KIF13A: variants seen among roughly 807,000 people sequenced by gnomAD.
The protein encoded by KIF13A is kinesin family member 13A, also known as kinesin-like protein KIF13A.
Under a neutral mutation model 212.2 loss-of-function variants are expected in KIF13A, and 79 were observed. The observed-to-expected ratio is 0.37, with a 90% CI of 0.31 to 0.45. The LOEUF is 0.45. Among genes scored for constraint, KIF13A ranks in the 20% least tolerant of loss-of-function variants. The pLI is 1.00. For synonymous variants in KIF13A, 789 were observed against 808.6 expected (o/e 0.98, Z 0.41); for missense variants, 1,901 against 2,209.0 (o/e 0.86, Z 2.79).
chr6:17,799,366 TCC>T lies in KIF13A; in HGVS notation c.2688_2689del (p.Trp896Ter). On this transcript the variant is annotated stop_gained and frameshift_variant, in exon 22 of 39. Coordinates refer to ENST00000259711, the MANE Select transcript of KIF13A (RefSeq NM_022113.6). LOFTEE classifies it high-confidence loss of function. This position sits in a 1 kb window ranked among gnomAD's most constrained non-coding sequence, Gnocchi z 4.4. The stretch of plus-strand genomic sequence containing the variant: ...GGCAGCCACCGTAGACTCACACTGG[TCC>T]CAGAATGTGTATTGACAGAAGACAA... The T allele has an allele frequency of 6.2e-7, 1 of 1,612,062 alleles. No homozygotes were observed. Among genetic ancestry groups the T allele is most frequent in the Non-Finnish European group, 8.5e-7 (1 of 1,178,950 alleles).
rs1156733624 is a variant in KIF13A, at chr6:17,787,789, G to A, written c.3348C>T (p.Val1116=). Reference sequence around the variant, plus strand: ...GATCTCACATACCTGTTTTATTGCTGACTTTTTTTATCTGTTCATCCAGGT... The same window carrying A: ...GATCTCACATACCTGTTTTATTGCTAACTTTTTTTATCTGTTCATCCAGGT... ...REYLDEQIKK[V]SNKTEKTEDD... is the part of the protein sequence containing the mutation. The change falls in exon 27 of 39, where the codon GTC becomes GTT. Residue 1116 remains valine, a synonymous_variant. Coordinates refer to ENST00000259711, the MANE Select transcript of KIF13A (RefSeq NM_022113.6). The surrounding 1 kb of genome is among the most constrained non-coding windows in gnomAD (Gnocchi z 4.6). The A allele has an allele frequency of 6.2e-7, 1 of 1,607,086 alleles. No homozygotes were observed. Among genetic ancestry groups the A allele is most frequent in the Admixed American group, 1.7e-5 (1 of 60,000 alleles).
At chr6:17,760,785 C>A, downstream of KIF13A, 2 of 1,481,124 alleles carry the variant, frequency 1.4e-6, no homozygotes, top group Non-Finnish European at 1.9e-6. Flanking sequence ...AGAGATGGGG[C>A]TGGTGCTTGC....
Position 17,952,840 on chromosome 6 carries a change from G to T in KIF13A, c.146+34214C>A, listed in dbSNP as rs138030502. On this transcript the variant is annotated intron_variant, in intron 2 of 38. Coordinates refer to ENST00000259711, the MANE Select transcript of KIF13A (RefSeq NM_022113.6). Reference sequence around the variant, plus strand: ...AGCTACTCAGGAGGCTGAGGCAGGAGAGTGGCGCGAACCCGGGAGGCAGAG... The same window carrying T: ...AGCTACTCAGGAGGCTGAGGCAGGATAGTGGCGCGAACCCGGGAGGCAGAG... Among the ~76,000 whole-genome samples the T allele has an allele frequency of 5.7e-3, 863 of 151,958 alleles. 6 individuals are homozygous for T. The highest frequency in any genetic ancestry group is 0.02 in the African/African-American group (812 of 41,404).
intron 16 of KIF13A, among the ~76,000 whole-genome samples, chr6:17,819,557 A>G (rs1764252907): frequency 6.6e-6 from 1 of 152,078 alleles, no homozygotes; most frequent in Non-Finnish European, 1.5e-5. Flanking sequence ...GTGAGACTCC[A>G]TCTCAAAAAA....
At chr6:17,876,473 T>C (rs1770565969) in intron 3 of KIF13A, among the ~76,000 whole-genome samples, 1 of 152,192 alleles carries the variant, frequency 6.6e-6, no homozygotes, top group Non-Finnish European at 1.5e-5. Flanking sequence ...TCGATACATT[T>C]TTCCTCCCAG....
In KIF13A at chr6:17,771,145, A is replaced by G; in HGVS notation, c.4550T>C (p.Val1517Ala). 1 of 1,613,084 alleles carries G rather than the reference A, an allele frequency of 6.2e-7. No homozygotes were observed. The highest frequency in any genetic ancestry group is 8.5e-7 in the Non-Finnish European group (1 of 1,179,414). The part of the protein sequence containing the change: ...PSGSNGSSMP[V>A]EHNSKREKKI... ...CTTCTCACGTTTGCTATTGTGTTCT[A>G]CTGGCATGCTGCTGCCATTGCTTCC... Residue 1517 changes from valine (V) to alanine (A), a missense_variant, in exon 38 of 39, where the codon GTA (valine) becomes GCA (alanine). By Grantham distance (64) the Val-to-Ala change is moderately conservative. Around this residue, in one of 5 missense-constraint regions of KIF13A, gnomAD observed 687 missense variants for 759.1 expected, o/e 0.90. Coordinates refer to ENST00000259711, the MANE Select transcript of KIF13A (RefSeq NM_022113.6). This position sits in a 1 kb window ranked among gnomAD's most constrained non-coding sequence, Gnocchi z 5.4.
intron 3 of KIF13A, among the ~76,000 whole-genome samples, chr6:17,893,900 C>T (rs538445144): frequency 5.8e-4 from 81 of 139,794 alleles, no homozygotes; most frequent in African/African-American, 2.1e-3. Context: ...AGTGCAGTGG[C>T]GCAATCTCGG....
At chr6:17,827,814 G>A (rs1405641456) in intron 14 of KIF13A, among the ~76,000 whole-genome samples, 2 of 152,040 alleles carry the variant, frequency 1.3e-5, no homozygotes, top group Admixed American at 6.6e-5. Context: ...GAGCCACCCC[G>A]CCTAGCCAAT....
intron 2 of KIF13A, among the ~76,000 whole-genome samples, chr6:17,952,793 G>A (rs1207787147): frequency 6.6e-6 from 1 of 152,024 alleles, no homozygotes; most frequent in African/African-American, 2.4e-5. Flanking sequence ...AGCCAGGTGT[G>A]GTGGTGGGCG....
intron 2 of KIF13A, among the ~76,000 whole-genome samples, chr6:17,911,812 T>C (rs1308089473): frequency 1.3e-5 from 2 of 151,096 alleles, no homozygotes; most frequent in African/African-American, 4.9e-5. Context: ...TAGCCCAAGC[T>C]GGAGTACAGT....
rs541052606 is a variant in KIF13A at position 17,771,854 on chromosome 6, C to A, written c.4476+54G>T. ...CTTGTTAATGCACACTGCTGCTTCACAGGTGACACAACTCTGCTCTATTCT... is the reference window on the plus strand; with the variant it reads ...CTTGTTAATGCACACTGCTGCTTCAAAGGTGACACAACTCTGCTCTATTCT... On this transcript the variant is annotated intron_variant, in intron 37 of 38. Transcript: ENST00000259711. This position sits in a 1 kb window ranked among gnomAD's most constrained non-coding sequence, Gnocchi z 5.4. The A allele has an allele frequency of 6.4e-7, 1 of 1,567,336 alleles. No homozygotes were observed. The highest frequency in any genetic ancestry group is 8.8e-7 in the Non-Finnish European group (1 of 1,142,068).
Position 17,930,559 on chromosome 6 carries a change from A to T in KIF13A, c.147-32379T>A, listed in dbSNP as rs184052281. ...AAAGTTGCCTGACCTCAGAGTTCAT[A>T]CAAAGGCTGAGTGGTACTGCCAAAT... On this transcript the variant is annotated intron_variant, in intron 2 of 38. Transcript: ENST00000259711. 1.1e-4 allele frequency among the ~76,000 whole-genome samples: 16 copies of T among 152,358 alleles called. 1 individual carries two copies. In the South Asian group the frequency reaches 2.1e-3, roughly 20 times the overall value.
intron 2 of KIF13A, among the ~76,000 whole-genome samples, chr6:17,939,247 A>G (rs1347835398): frequency 6.6e-6 from 1 of 152,244 alleles, no homozygotes; most frequent in African/African-American, 2.4e-5. Context: ...TACATAAGAC[A>G]TTCTGGTGCA....
chr6:17,976,578 C>T (rs901415773), intron 2 of KIF13A, among the ~76,000 whole-genome samples: 5 of 152,186 alleles, frequency 3.3e-5, no homozygotes, highest in African/African-American at 1.2e-4. Flanking sequence ...CCCTCCACAC[C>T]TCCCTGCAAG....
At chr6:17,932,149 G>A (rs1292458000) in intron 2 of KIF13A, among the ~76,000 whole-genome samples, 4 of 152,104 alleles carry the variant, frequency 2.6e-5, no homozygotes, top group African/African-American at 9.7e-5. Context: ...ACCGACACAT[G>A]CTAGACACAC....
chr6:17,814,098 G>A lies in KIF13A; in HGVS notation c.2000+2922C>T, dbSNP rs562600182. On this transcript the variant is annotated intron_variant, in intron 17 of 38. Coordinates refer to ENST00000259711, the MANE Select transcript of KIF13A (RefSeq NM_022113.6). Reference sequence around the variant, plus strand: ...CCCCCGAGTAGCTGGGACTACAGGCGCCCGCCACCACGCCCGGCTAATTTT... The same window carrying A: ...CCCCCGAGTAGCTGGGACTACAGGCACCCGCCACCACGCCCGGCTAATTTT... Among the ~76,000 whole-genome samples, 34 of 151,564 alleles carry A rather than the reference G, an allele frequency of 2.2e-4. No homozygotes were observed. The South Asian group carries it at 6.5e-3, about 29-fold the overall frequency.
Position 17,817,151 on chromosome 6 carries a change from C to G in KIF13A, c.1869G>C (p.Met623Ile). Reference protein sequence around the residue: ...KRSALEEQRLMYERELEQLRQ... With the variant: ...KRSALEEQRLIYERELEQLRQ... The stretch of plus-strand genomic sequence containing the variant: ...GGAGTTGCTCCAGTTCCCGCTCATA[C>G]ATGAGCCGCTGCTCCTCTAGGGCAC... Residue 623 changes from methionine (M) to isoleucine (I), a missense_variant, in exon 17 of 39, where the codon ATG becomes ATC. By Grantham distance (10) the Met-to-Ile change is conservative. Around this residue, in one of 5 missense-constraint regions of KIF13A, gnomAD observed 534 missense variants for 536.9 expected, o/e 0.99. Coordinates refer to ENST00000259711, the MANE Select transcript of KIF13A (RefSeq NM_022113.6). 6.2e-7 allele frequency: 1 copy of G among 1,613,982 alleles called. No individual in the cohort carries two copies. The highest frequency in any genetic ancestry group is 8.5e-7 in the Non-Finnish European group (1 of 1,179,826).
rs1280876970 is a variant in KIF13A at position 17,968,792 on chromosome 6, C to A, written c.146+18262G>T. ...GCCATTACCCCCAAAAGCCACATGA[C>A]AGCACAAAGGCTATCATTATGTAAC... On this transcript the variant is annotated intron_variant, in intron 2 of 38. Coordinates refer to ENST00000259711, the MANE Select transcript of KIF13A (RefSeq NM_022113.6). The surrounding 1 kb of genome is among the most constrained non-coding windows in gnomAD (Gnocchi z 4.7). Among the ~76,000 whole-genome samples the A allele has an allele frequency of 1.3e-5, 2 of 152,154 alleles. No homozygotes were observed. Among genetic ancestry groups the A allele is most frequent in the Admixed American group, 6.5e-5 (1 of 15,278 alleles).
rs1758716874 is a variant in KIF13A at position 17,763,932 on chromosome 6, A to T, written c.*178T>A. ...GGTAAAAAAATCCACTGGTCTTATA[A>T]TTTCACAATTGCGTTCTAGTTCCCA... On this transcript the variant is annotated 3_prime_UTR_variant, in exon 39 of 39. Transcript: ENST00000259711. The T allele has an allele frequency of 7.0e-7, 1 of 1,433,818 alleles. No homozygotes were observed. The highest frequency in any genetic ancestry group is 9.1e-7 in the Non-Finnish European group (1 of 1,098,492). The allele number at this position is 1,433,818 out of a possible 1,614,324, so 88.8% of individuals were successfully genotyped here.
Sources: allele counts gnomAD v4.1 joint callset (sites outside exome capture counted in the v4.1 genomes callset), GRCh38; gene constraint gnomAD v4.1.1; regional missense constraint gnomAD v4.1.1; non-coding constraint Gnocchi (gnomAD v3.1); transcripts MANE v1.5; gene names NCBI Gene and HGNC (gene_info 2026-07-23, HGNC 2026-07-21).